ATP2B4: variants seen among roughly 807,000 people sequenced by gnomAD.
The protein encoded by ATP2B4 is ATPase plasma membrane Ca2+ transporting 4.
Under a neutral mutation model 110.3 loss-of-function variants are expected in ATP2B4, and 39 were observed. The observed-to-expected ratio is 0.35, with a 90% confidence interval of 0.27 to 0.46. The LOEUF (loss-of-function observed/expected upper bound fraction) is 0.46, where lower values mean the gene tolerates loss of function less well. Among genes scored for constraint, ATP2B4 ranks in the 20% least tolerant of loss-of-function variants. The pLI, the probability that ATP2B4 is intolerant of heterozygous loss-of-function variation, is 1.00. For synonymous variants in ATP2B4, 538 were observed against 571.7 expected, an observed-to-expected ratio of 0.94 and a Z score of 0.84; for missense variants, 1,135 against 1,530.9, an observed-to-expected ratio of 0.74 and a Z score of 4.32.
intron 6 of ATP2B4, among the ~76,000 whole-genome samples, chr1:203,701,312 A>G (rs1336183737): frequency 6.6e-6 from 1 of 152,216 alleles, no homozygotes; most frequent in Non-Finnish European, 1.5e-5. Context: ...CATCAAGACT[A>G]AGAGAAAATT....
At chr1:203,650,547 C>G (rs1014680378) in intron 1 of ATP2B4, among the ~76,000 whole-genome samples, 1 of 152,062 alleles carries the variant, frequency 6.6e-6, no homozygotes, top group Non-Finnish European at 1.5e-5. Context: ...CCAGCTGCTT[C>G]CCGGGCCGCG....
chr1:203,727,414 C>A lies in ATP2B4; in HGVS notation c.3152C>A (p.Thr1051Asn), dbSNP rs61825652. Residue 1051 changes from threonine to asparagine, a missense_variant, in exon 20 of 21, where the codon ACC (threonine) becomes AAC (asparagine). Physicochemically the swap from Thr to Asn is moderately conservative, Grantham distance 65. Coordinates refer to ENST00000357681, the MANE Select transcript of ATP2B4 (RefSeq NM_001684.5). ...LWGQFISAIPTRSLKFLKEAG... is the reference protein window; with the variant it reads ...LWGQFISAIPNRSLKFLKEAG... ...TTTCAGTTCATCTCCGCAATACCTA[C>A]CCGATCCCTGAAGTTCCTGAAGGAG... 1.5e-3 allele frequency: 2,463 copies of A among 1,614,198 alleles called. 4 individuals are homozygous for A. Among genetic ancestry groups the A allele is most frequent in the Non-Finnish European group, 2.0e-3 (2,334 of 1,180,004 alleles).
chr1:203,659,464 T>A (rs1215322437), intron 1 of ATP2B4, among the ~76,000 whole-genome samples: 1 of 146,764 alleles, frequency 6.8e-6, no homozygotes, highest in Non-Finnish European at 1.5e-5. Flanking sequence ...AGCCCAGGAG[T>A]TTGAGACCAG....
intron 1 of ATP2B4, among the ~76,000 whole-genome samples, chr1:203,679,180 C>T (rs1664921089): frequency 6.6e-6 from 1 of 152,024 alleles, no homozygotes; most frequent in Admixed American, 6.6e-5. Flanking sequence ...GGTGTCTGAG[C>T]AGTTCATTTG....
intron 1 of ATP2B4, among the ~76,000 whole-genome samples, chr1:203,658,504 C>G (rs1360128347): frequency 6.6e-6 from 1 of 151,048 alleles, no homozygotes; most frequent in East Asian, 1.9e-4. Flanking sequence ...GCACTCCACC[C>G]TGGCCAACAG....
rs140573968 is a variant in ATP2B4 at position 203,707,690 on chromosome 1, C to T, written c.1315-172C>T. On this transcript the variant is annotated intron_variant, in intron 9 of 20. Transcript: ENST00000357681. ...AGGTGATCTGCCCGTCTCAGCCTCC[C>T]GAAGTACTGAAATTACAGGCATGAA... Among the ~76,000 whole-genome samples the T allele has an allele frequency of 3.3e-3, 501 of 152,248 alleles. 1 individual carries two copies. The highest frequency in any genetic ancestry group is 5.7e-3 in the Non-Finnish European group (390 of 68,030).
In ATP2B4 at chr1:203,721,642, A is replaced by ATTTC. The variant is rs1427230722; in HGVS notation, c.2812+244_2812+247dup. ...AGAATTTCACAAGGGAGGCTTTATT[A>ATTTC]TTTCTTTCTTTCTTTTTTTTTTTTT... On this transcript the variant is annotated intron_variant, in intron 17 of 20. Transcript: ENST00000357681. Among the ~76,000 whole-genome samples the ATTTC allele has an allele frequency of 1.0e-3, 134 of 127,956 alleles. 1 individual carries two copies. The highest frequency in any genetic ancestry group is 3.7e-3 in the African/African-American group (123 of 32,910). 83.9% of individuals were successfully genotyped at this position (127,956 alleles called of 152,430 possible). A position where few individuals can be genotyped will look rare whatever the true frequency, so the allele number is the denominator to read the frequency against.
chr1:203,652,144 CTT>C (rs112114077), intron 1 of ATP2B4, among the ~76,000 whole-genome samples: 143 of 126,204 alleles, frequency 1.1e-3, no homozygotes, highest in Non-Finnish European at 1.1e-3. Context: ...GCAACTTCTT[CTT>C]TTTTTTTTTT....
At chr1:203,684,658 C>T (rs7535676) in intron 2 of ATP2B4, among the ~76,000 whole-genome samples, 126,335 of 151,680 alleles carry the variant, frequency 0.83, 53,426 homozygotes, top group East Asian at 1. Flanking sequence ...TAAGCCACCA[C>T]GCCCAGCCTC....
intron 1 of ATP2B4, among the ~76,000 whole-genome samples, chr1:203,639,351 T>G (rs919857536): frequency 3.3e-5 from 5 of 152,160 alleles, no homozygotes; most frequent in African/African-American, 1.2e-4. Flanking sequence ...AAGCACTATG[T>G]TAAGGGTTTG....
At chr1:203,712,268 C>A in intron 13 of ATP2B4, 129 bp downstream of exon 13, 1 of 1,099,936 alleles carries the variant, frequency 9.1e-7, no homozygotes, top group Non-Finnish European at 1.3e-6. Context: ...AGTGAAACAT[C>A]TCCTTGTACC....
In ATP2B4 at chr1:203,727,783, T is replaced by C. The variant is rs1666568658; in HGVS notation, c.3309+212T>C. ...GAGAGGAGTCAAATGACCTAGACCATGGGACACTATTAGCATAGTCCTTTA... is the reference window on the plus strand; with the variant it reads ...GAGAGGAGTCAAATGACCTAGACCACGGGACACTATTAGCATAGTCCTTTA... On this transcript the variant is annotated intron_variant, in intron 20 of 20. Coordinates refer to ENST00000357681, the MANE Select transcript of ATP2B4 (RefSeq NM_001684.5). 8 of 581,196 alleles carry C rather than the reference T, an allele frequency of 1.4e-5. No individual in the cohort carries two copies. In the South Asian group the frequency reaches 1.6e-4, roughly 12 times the overall value. The allele number at this position is 581,196 out of a possible 1,614,324, so 36.0% of individuals were successfully genotyped here.
At chr1:203,672,130 TCCTTGA>T (rs1664683204) in intron 1 of ATP2B4, among the ~76,000 whole-genome samples, 1 of 152,202 alleles carries the variant, frequency 6.6e-6, no homozygotes, top group Non-Finnish European at 1.5e-5. Flanking sequence ...TTGGCGTTTC[TCCTTGA>T]GGAGCTGAGC....
intron 4 of ATP2B4, among the ~76,000 whole-genome samples, chr1:203,699,941 G>C (rs1229084514): frequency 6.6e-6 from 1 of 152,172 alleles, no homozygotes; most frequent in Non-Finnish European, 1.5e-5. Flanking sequence ...GTGTGTCTTA[G>C]GGTTAAAAGT....
rs1663187902 is a variant in ATP2B4, at chr1:203,629,300, G to A, written c.-465+2081G>A. Among the ~76,000 whole-genome samples, 1 of 152,138 alleles carries A rather than the reference G, an allele frequency of 6.6e-6. No homozygotes were observed. Among genetic ancestry groups the A allele is most frequent in the East Asian group, 1.9e-4 (1 of 5,184 alleles). ...GGGATCCATTTCTATACTCCTCCTC[G>A]GGAGTCCCATCCTCCCTGCCACCAT... On this transcript the variant is annotated intron_variant, in intron 1 of 20. Transcript: ENST00000357681. The surrounding 1 kb of genome is among the most constrained non-coding windows in gnomAD (Gnocchi z 4.6).
intron 20 of ATP2B4, chr1:203,733,283 A>T (rs375575673): frequency 6.2e-7 from 1 of 1,614,154 alleles, no homozygotes; most frequent in African/African-American, 1.3e-5. Flanking sequence ...AAGGCGACAG[A>T]ACATGGGTCA....
rs987287648 is a variant in ATP2B4, at chr1:203,628,646, T to G, written c.-465+1427T>G. 2.0e-4 allele frequency among the ~76,000 whole-genome samples: 31 copies of G among 152,082 alleles called. No homozygotes were observed. In the East Asian group the frequency reaches 5.8e-3, roughly 29 times the overall value. ...ACCCTGGCCCTGCTCCTTAAGCCCC[T>G]CCCCAAGCTGCCCCTTCTCCACGCG... On this transcript the variant is annotated intron_variant, in intron 1 of 20. Transcript: ENST00000357681.
intron 15 of ATP2B4, among the ~76,000 whole-genome samples, chr1:203,714,765 A>G (rs1558048114): frequency 1.3e-5 from 2 of 152,224 alleles, no homozygotes; most frequent in East Asian, 1.9e-4. Context: ...CAGGCACACC[A>G]GTTAATTCTG....
chr1:203,705,163 AG>A (rs1285568856), intron 8 of ATP2B4, among the ~76,000 whole-genome samples: 1 of 152,280 alleles, frequency 6.6e-6, no homozygotes, highest in Non-Finnish European at 1.5e-5. Context: ...CATATTGGAC[AG>A]CATAAATAGA....
Sources: gnomAD v4.1 joint callset for allele counts (sites outside exome capture counted in the v4.1 genomes callset) on GRCh38, gnomAD v4.1.1 for gene constraint, Gnocchi (gnomAD v3.1) non-coding constraint, MANE v1.5 for transcripts, NCBI Gene and HGNC (gene_info 2026-07-23, HGNC 2026-07-21) for gene names.